The following EDIL3 variants were observed in gnomAD, a reference collection of about 807,000 sequenced individuals.
EDIL3 encodes the protein EGF-like repeat and discoidin I-like domain-containing protein 3.
EDIL3 carries 37 observed loss-of-function variants against 67.4 expected under a neutral mutation model. The ratio of observed to expected loss-of-function variants is 0.55; its 90% CI spans 0.42 to 0.72. The LOEUF (loss-of-function observed/expected upper bound fraction) is 0.72, where lower values mean the gene tolerates loss of function less well. Ranked by LOEUF, EDIL3 falls within the 30% of genes least tolerant of loss-of-function variation. The pLI is 0.00. For synonymous variants in EDIL3, 195 were observed against 196.3 expected (o/e 0.99, Z 0.05); for missense variants, 527 against 586.3 (o/e 0.90, Z 1.04).
At chr5:84,334,978 T>C (rs898944840) in intron 1 of EDIL3, among the ~76,000 whole-genome samples, 11 of 152,200 alleles carry the variant, frequency 7.2e-5, no homozygotes, top group African/African-American at 2.7e-4. Flanking sequence ...AGATATTATT[T>C]TTTTTAAAAG....
intron 3 of EDIL3, among the ~76,000 whole-genome samples, chr5:84,212,936 C>A (rs1343774954): frequency 1.3e-5 from 2 of 151,468 alleles, no homozygotes; most frequent in Non-Finnish European, 2.9e-5. Context: ...TCTTAACCTA[C>A]CACTACCCAC....
intron 9 of EDIL3, among the ~76,000 whole-genome samples, chr5:83,978,489 T>C (rs1744911545): frequency 6.6e-6 from 1 of 151,972 alleles, no homozygotes; most frequent in Non-Finnish European, 1.5e-5. Flanking sequence ...TGTGCTAAAC[T>C]GATTTGAAAA....
chr5:84,209,203 C>G (rs562733181), intron 3 of EDIL3, among the ~76,000 whole-genome samples: 5 of 149,968 alleles, frequency 3.3e-5, no homozygotes, highest in African/African-American at 7.4e-5. Context: ...GGAAGGGGAA[C>G]ATCACACTCT....
chr5:84,137,904 C>A (rs1488482986), intron 4 of EDIL3, among the ~76,000 whole-genome samples: 1 of 152,194 alleles, frequency 6.6e-6, no homozygotes, highest in Non-Finnish European at 1.5e-5. Context: ...ATGGTGATCA[C>A]TTCCTAATCT....
chr5:84,317,811 A>T (rs1746546717), intron 1 of EDIL3, among the ~76,000 whole-genome samples: 1 of 152,190 alleles, frequency 6.6e-6, no homozygotes, highest in South Asian at 2.1e-4. Context: ...AGTTCTGCTC[A>T]GGGTAATCAG....
intron 9 of EDIL3, among the ~76,000 whole-genome samples, chr5:84,007,436 T>G (rs1400746119): frequency 6.6e-6 from 1 of 152,086 alleles, no homozygotes; most frequent in East Asian, 1.9e-4. Context: ...GAAAAAAACC[T>G]AATAATCTGA....
intron 1 of EDIL3, among the ~76,000 whole-genome samples, chr5:84,323,766 G>T (rs1746696315): frequency 6.6e-6 from 1 of 151,794 alleles, no homozygotes. Flanking sequence ...AGCAGAGGTG[G>T]ATACACAAAT....
At chr5:84,103,821 G>T (rs764522468) in intron 6 of EDIL3, among the ~76,000 whole-genome samples, 1 of 151,960 alleles carries the variant, frequency 6.6e-6, no homozygotes, top group Non-Finnish European at 1.5e-5. Context: ...ATTCCGCAAA[G>T]AACTAAAAAC....
chr5:83,969,722 A>G (rs2112136340), intron 9 of EDIL3, among the ~76,000 whole-genome samples: 1 of 151,864 alleles, frequency 6.6e-6, no homozygotes, highest in African/African-American at 2.4e-5. Context: ...TTACACACCA[A>G]TCCCATTTTT....
chr5:84,117,100 T>C (rs527595245), intron 5 of EDIL3, among the ~76,000 whole-genome samples: 2 of 138,348 alleles, frequency 1.4e-5, no homozygotes, highest in African/African-American at 5.4e-5. Flanking sequence ...CAATCTCGGC[T>C]CACTGCAAGC....
chr5:84,236,291 A>T (rs1342247977), intron 2 of EDIL3, among the ~76,000 whole-genome samples: 1 of 152,118 alleles, frequency 6.6e-6, no homozygotes, highest in African/African-American at 2.4e-5. Flanking sequence ...TTCATATCCC[A>T]GCTGTTATTA....
At chr5:84,291,800 TATATATACACACAC>T (rs1745928480) in intron 1 of EDIL3, among the ~76,000 whole-genome samples, 1 of 147,412 alleles carries the variant, frequency 6.8e-6, no homozygotes, top group African/African-American at 2.5e-5. Context: ...TACACACACA[TATATATACACACAC>T]ATATATATAC....
intron 6 of EDIL3, among the ~76,000 whole-genome samples, chr5:84,082,149 T>C (rs1386980923): frequency 6.6e-6 from 1 of 152,216 alleles, no homozygotes; most frequent in Non-Finnish European, 1.5e-5. Context: ...AGCATGCAAA[T>C]AACAACAATG....
At chr5:83,983,238 C>T (rs892603328) in intron 9 of EDIL3, among the ~76,000 whole-genome samples, 5 of 152,014 alleles carry the variant, frequency 3.3e-5, no homozygotes, top group Admixed American at 1.3e-4. Context: ...AATGCTTGTC[C>T]GCTGCTAGAT....
intron 9 of EDIL3, among the ~76,000 whole-genome samples, chr5:84,042,154 A>G (rs970924650): frequency 5.9e-5 from 9 of 152,210 alleles, no homozygotes; most frequent in Admixed American, 5.9e-4. Context: ...ACAAGGTATC[A>G]TAAAAATAGA....
intron 9 of EDIL3, among the ~76,000 whole-genome samples, chr5:83,981,206 A>C (rs1012837426): frequency 2.6e-5 from 4 of 152,064 alleles, no homozygotes; most frequent in Admixed American, 2.0e-4. Flanking sequence ...AACTCCACAA[A>C]GTTTGAGGAT....
chr5:84,238,057 T>A (rs1219957597), intron 2 of EDIL3, among the ~76,000 whole-genome samples: 1 of 152,116 alleles, frequency 6.6e-6, no homozygotes, highest in Non-Finnish European at 1.5e-5. Context: ...TTCTGAGATA[T>A]AAATAATATA....
At chr5:84,023,845 A>C (rs1218376648) in intron 9 of EDIL3, among the ~76,000 whole-genome samples, 1 of 152,146 alleles carries the variant, frequency 6.6e-6, no homozygotes, top group Non-Finnish European at 1.5e-5. Context: ...AAACCCATAA[A>C]ATTATTTCCA....
At chr5:83,974,191 C>A (rs1744839523) in intron 9 of EDIL3, among the ~76,000 whole-genome samples, 1 of 151,692 alleles carries the variant, frequency 6.6e-6, no homozygotes, top group Non-Finnish European at 1.5e-5. Flanking sequence ...AAAACAAAAA[C>A]AACAATCCAA....
Sources: allele counts gnomAD v4.1 joint callset (sites outside exome capture counted in the v4.1 genomes callset), GRCh38; gene constraint gnomAD v4.1.1; transcripts MANE v1.5; gene names NCBI Gene and HGNC (gene_info 2026-07-23, HGNC 2026-07-21).